Variants in GRID2 observed in about 807,000 individuals in gnomAD.
GRID2 encodes glutamate receptor ionotropic, delta-2.
GRID2 carries 33 observed loss-of-function variants against 114.8 expected under a neutral mutation model. The ratio of observed to expected loss-of-function variants is 0.29; its 90% confidence interval spans 0.22 to 0.38. The LOEUF (loss-of-function observed/expected upper bound fraction) is 0.38. GRID2 is among the 10% of genes least tolerant of loss of function. The pLI is 1.00. For synonymous variants in GRID2, 505 were observed against 449.9 expected (o/e 1.12, Z -1.55); for missense variants, 1,184 against 1,257.7 (o/e 0.94, Z 0.89).
intron 8 of GRID2, among the ~76,000 whole-genome samples, chr4:93,324,325 G>A (rs567577798): frequency 2.6e-5 from 4 of 152,002 alleles, no homozygotes; most frequent in Non-Finnish European, 5.9e-5. Context: ...TTTGTCTTTC[G>A]TTCTGTTTAT....
intron 1 of GRID2, among the ~76,000 whole-genome samples, chr4:92,324,688 G>T (rs1726500339): frequency 6.6e-6 from 1 of 151,556 alleles, no homozygotes; most frequent in African/African-American, 2.4e-5. Context: ...TTAACAAAAA[G>T]ATGTGTATAT....
chr4:92,503,679 C>G (rs533055157), intron 1 of GRID2, among the ~76,000 whole-genome samples: 2 of 152,110 alleles, frequency 1.3e-5, no homozygotes, highest in African/African-American at 4.8e-5. Context: ...TTCCTTCCCA[C>G]TGAACATACA....
intron 2 of GRID2, among the ~76,000 whole-genome samples, chr4:93,016,865 T>C (rs1323663268): frequency 6.6e-6 from 1 of 152,192 alleles, no homozygotes; most frequent in Non-Finnish European, 1.5e-5. Flanking sequence ...ATCACATTAT[T>C]AGGTTTGAAA....
chr4:93,716,341 C>T (rs1728899347), intron 14 of GRID2, among the ~76,000 whole-genome samples: 1 of 152,082 alleles, frequency 6.6e-6, no homozygotes, highest in South Asian at 2.1e-4. Context: ...ATTATCATTG[C>T]AGAGCCAAAA....
At chr4:93,035,018 G>T (rs1327983350) in intron 2 of GRID2, among the ~76,000 whole-genome samples, 1 of 151,286 alleles carries the variant, frequency 6.6e-6, no homozygotes, top group Admixed American at 6.6e-5. Context: ...AGCTATAAAA[G>T]AAAATATTTC....
chr4:93,595,136 C>A (rs1280007531), intron 13 of GRID2, among the ~76,000 whole-genome samples: 2 of 152,186 alleles, frequency 1.3e-5, no homozygotes, highest in African/African-American at 4.8e-5. Context: ...TGGTGACCTC[C>A]AGGCCTCTAT....
chr4:92,411,850 C>T (rs1233820035), intron 1 of GRID2, among the ~76,000 whole-genome samples: 2 of 151,316 alleles, frequency 1.3e-5, no homozygotes, highest in South Asian at 2.1e-4. Flanking sequence ...GGACTACAGG[C>T]GCCCGCCACC....
Position 93,549,226 on chromosome 4 carries a change from G to A in GRID2, c.2193+33815G>A, listed in dbSNP as rs1733532631. On this transcript the variant is annotated intron_variant, in intron 13 of 15. Coordinates refer to ENST00000282020, the MANE Select transcript of GRID2 (RefSeq NM_001510.4). ...ACTATTTTTATCAGGAAAAATGAAA[G>A]AGTCAAAAACTCATCCAAGGGAGAG... 3.9e-5 allele frequency among the ~76,000 whole-genome samples: 6 copies of A among 152,122 alleles called. No homozygotes were observed. The South Asian group carries it at 1.0e-3, about 26-fold the overall frequency.
chr4:92,784,288 C>A (rs1739219109), intron 2 of GRID2, among the ~76,000 whole-genome samples: 1 of 151,836 alleles, frequency 6.6e-6, no homozygotes, highest in African/African-American at 2.4e-5. Flanking sequence ...TTTTTTAATG[C>A]ATGTCCATTT....
chr4:92,712,162 C>A (rs1278974334), intron 2 of GRID2, among the ~76,000 whole-genome samples: 1 of 152,022 alleles, frequency 6.6e-6, no homozygotes, highest in Non-Finnish European at 1.5e-5. Context: ...TTGTATTTTA[C>A]AAAATTCCTT....
chr4:93,517,907 T>C (rs1729887339), intron 13 of GRID2, among the ~76,000 whole-genome samples: 2 of 148,488 alleles, frequency 1.3e-5, no homozygotes, highest in African/African-American at 2.5e-5. Context: ...TATATGTATG[T>C]GTGTGTGTAT....
intron 8 of GRID2, chr4:93,318,859 C>T (rs1756946498): frequency 1.3e-5 from 2 of 152,092 alleles, no homozygotes; most frequent in Admixed American, 1.3e-4. Flanking sequence ...CACAGGCAGC[C>T]ACCTGGATTT....
intron 1 of GRID2, among the ~76,000 whole-genome samples, chr4:92,584,380 T>G (rs1728324584): frequency 6.6e-6 from 1 of 151,972 alleles, no homozygotes. Context: ...CAGAATTAAA[T>G]TAAAAACTCA....
At chr4:93,002,127 A>C (rs1172094995) in intron 2 of GRID2, among the ~76,000 whole-genome samples, 1 of 151,762 alleles carries the variant, frequency 6.6e-6, no homozygotes, top group African/African-American at 2.4e-5. Flanking sequence ...ACCAATGTAC[A>C]TTCACATAGT....
intron 2 of GRID2, among the ~76,000 whole-genome samples, chr4:92,995,091 T>C (rs1472051096): frequency 6.6e-6 from 1 of 152,190 alleles, no homozygotes; most frequent in Non-Finnish European, 1.5e-5. Flanking sequence ...TATTTCAGAA[T>C]TGCAGCCAAA....
At chr4:92,540,843 C>T (rs1195552623) in intron 1 of GRID2, among the ~76,000 whole-genome samples, 2 of 152,140 alleles carry the variant, frequency 1.3e-5, no homozygotes, top group Non-Finnish European at 2.9e-5. Flanking sequence ...CACATGCACA[C>T]ATATGTTTAT....
intron 10 of GRID2, among the ~76,000 whole-genome samples, chr4:93,454,197 A>G (rs1395998731): frequency 6.6e-6 from 1 of 152,090 alleles, no homozygotes; most frequent in African/African-American, 2.4e-5. Flanking sequence ...TGGTCTTGTT[A>G]TAATGTAAAT....
chr4:93,691,517 T>A (rs1201715889), intron 14 of GRID2, among the ~76,000 whole-genome samples: 1 of 152,126 alleles, frequency 6.6e-6, no homozygotes, highest in African/African-American at 2.4e-5. Context: ...ACTTTGCTGT[T>A]TATTAGCTTT....
intron 1 of GRID2, among the ~76,000 whole-genome samples, chr4:92,341,933 T>A (rs1469372505): frequency 6.9e-6 from 1 of 145,192 alleles, no homozygotes; most frequent in African/African-American, 2.8e-5. Context: ...AAAAAAATGT[T>A]TATGTAGCAA....
Sources: gnomAD v4.1 joint callset for allele counts (sites outside exome capture counted in the v4.1 genomes callset) on GRCh38, gnomAD v4.1.1 for gene constraint, MANE v1.5 for transcripts, NCBI Gene and HGNC (gene_info 2026-07-23, HGNC 2026-07-21) for gene names.